PDXDC1: variants seen among roughly 807,000 people sequenced by gnomAD.
The protein encoded by PDXDC1 is pyridoxal dependent decarboxylase domain containing 1.
PDXDC1 carries 42 observed loss-of-function variants against 100.1 expected under a neutral mutation model. The ratio of observed to expected loss-of-function variants is 0.42; its 90% confidence interval spans 0.33 to 0.54. PDXDC1 has a LOEUF of 0.54. Among genes scored for constraint, PDXDC1 ranks in the 20% least tolerant of loss-of-function variants. The pLI is 0.10. For missense variants in PDXDC1, 636 were observed against 979.2 expected (o/e 0.65, Z 4.68); for synonymous variants, 260 against 371.7 (o/e 0.70, Z 3.46).
rs2045192232 is a variant in PDXDC1 at position 15,070,832 on chromosome 16, A to G, written c.1399+40776A>G. ...AAATGAAAAAATGACAAACCTACAA[A>G]AAGAATCAAAACAGTATACAACACT... On this transcript the variant is annotated intron_variant, in intron 16 of 16. Transcript: ENST00000535621. Among the ~76,000 whole-genome samples, 2 of 152,144 alleles carry G rather than the reference A, an allele frequency of 1.3e-5. 1 individual carries two copies. The highest frequency in any genetic ancestry group is 1.3e-4 in the Admixed American group (2 of 15,266).
chr16:14,991,298 T>TGC (rs1211694120), intron 1 of PDXDC1, among the ~76,000 whole-genome samples: 1 of 146,306 alleles, frequency 6.8e-6, no homozygotes, highest in East Asian at 2.1e-4. Context: ...TGTGTGTGTG[T>TGC]GTGTGTGTAT....
intron 22 of PDXDC1, 29 bp from the exon 23 acceptor site, chr16:15,035,987 T>C: frequency 6.3e-7 from 1 of 1,587,748 alleles, no homozygotes; most frequent in Non-Finnish European, 8.6e-7. Flanking sequence ...TCACTGAGTT[T>C]CAGCGCAGTC....
intron 16 of PDXDC1, among the ~76,000 whole-genome samples, chr16:15,049,832 A>C (rs956843063): frequency 6.6e-5 from 10 of 152,256 alleles, no homozygotes; most frequent in Non-Finnish European, 1.3e-4. Flanking sequence ...ATGAGAAATG[A>C]AAACTATGGG....
chr16:15,038,580 T>C (rs1411081493), downstream of PDXDC1: 1 of 1,542,802 alleles, frequency 6.5e-7, no homozygotes, highest in East Asian at 2.2e-5. Flanking sequence ...TCACCTCTAG[T>C]ATTTGCTTGT....
chr16:15,142,553 C>T (rs2048491384), downstream of PDXDC1, among the ~76,000 whole-genome samples: 4 of 152,034 alleles, frequency 2.6e-5, 1 homozygote, highest in South Asian at 8.3e-4. Context: ...ACTCAGGTGC[C>T]CCCTGGGTGT....
chr16:15,069,162 A>G (rs1291916725), intron 16 of PDXDC1, among the ~76,000 whole-genome samples: 1 of 152,124 alleles, frequency 6.6e-6, no homozygotes. Context: ...ACCCAAGGAG[A>G]CTGCGACCCC....
intron 16 of PDXDC1, among the ~76,000 whole-genome samples, chr16:15,063,517 G>C (rs540993642): frequency 6.6e-6 from 1 of 152,038 alleles, no homozygotes; most frequent in African/African-American, 2.4e-5. Flanking sequence ...GACCATCCTG[G>C]CTAACACGGT....
At chr16:15,050,914 G>A (rs766115862) in intron 16 of PDXDC1, among the ~76,000 whole-genome samples, 5 of 152,224 alleles carry the variant, frequency 3.3e-5, no homozygotes, top group Non-Finnish European at 7.3e-5. Flanking sequence ...GAACTGCAGT[G>A]TAAAATTAGA....
intron 20 of PDXDC1, 31 bp downstream of exon 20, chr16:15,034,409 G>T (rs774483864): frequency 6.2e-7 from 1 of 1,613,246 alleles, no homozygotes; most frequent in Non-Finnish European, 8.5e-7. Flanking sequence ...CAGGCTGGGG[G>T]AGCCGCCGTG....
intron 16 of PDXDC1, among the ~76,000 whole-genome samples, chr16:15,105,192 C>T (rs2046752733): frequency 7.8e-6 from 1 of 127,760 alleles, no homozygotes; most frequent in Non-Finnish European, 1.7e-5. Flanking sequence ...AGCCCATTGT[C>T]CACACATGTT....
the PDXDC1 span, among the ~76,000 whole-genome samples, chr16:15,147,277 C>CTG: frequency 8.5e-5 from 13 of 152,204 alleles, 1 homozygote; most frequent in Admixed American, 4.6e-4. Context: ...CCACTGCCAC[C>CTG]TCTGTCTGTC....
chr16:15,083,039 A>G (rs1424075889), intron 16 of PDXDC1, among the ~76,000 whole-genome samples: 6 of 152,234 alleles, frequency 3.9e-5, no homozygotes, highest in African/African-American at 9.6e-5. Flanking sequence ...TAGCCGCTTT[A>G]TAAGAAAGGA....
intron 4 of PDXDC1, among the ~76,000 whole-genome samples, chr16:15,002,684 C>T (rs1468248939): frequency 1.3e-5 from 2 of 152,258 alleles, no homozygotes; most frequent in African/African-American, 2.4e-5. Context: ...GTTGCTGTCT[C>T]AGACAGTGTG....
At chr16:15,097,330 T>A (rs1385551311) in intron 16 of PDXDC1, among the ~76,000 whole-genome samples, 3 of 150,464 alleles carry the variant, frequency 2.0e-5, no homozygotes, top group African/African-American at 7.3e-5. Context: ...ATGTAAGTTA[T>A]AAGAACATAA....
the PDXDC1 span, among the ~76,000 whole-genome samples, chr16:15,145,882 C>T: frequency 1.3e-5 from 2 of 152,210 alleles, no homozygotes; most frequent in Non-Finnish European, 2.9e-5. Context: ...GGGTGCTTGG[C>T]GGGCTGGGCT....
At chr16:15,068,137 T>C (rs2045057886) in intron 16 of PDXDC1, 1 of 1,484,478 alleles carries the variant, frequency 6.7e-7, no homozygotes, top group African/African-American at 1.4e-5. Flanking sequence ...ATATTTTAAA[T>C]AACTCCCATC....
intron 16 of PDXDC1, among the ~76,000 whole-genome samples, chr16:15,109,469 C>T (rs1429355551): frequency 6.8e-6 from 1 of 147,438 alleles, no homozygotes; most frequent in Non-Finnish European, 1.5e-5. Flanking sequence ...CCAGCTTGGC[C>T]AATATGGTGA....
intron 16 of PDXDC1, among the ~76,000 whole-genome samples, chr16:15,049,393 A>T (rs2044209828): frequency 6.6e-6 from 1 of 151,996 alleles, no homozygotes; most frequent in South Asian, 2.1e-4. Flanking sequence ...CTAAGGAAAT[A>T]ACTCAAAATA....
downstream of PDXDC1, among the ~76,000 whole-genome samples, chr16:15,140,055 C>G (rs1422994026): frequency 1.5e-5 from 2 of 129,586 alleles, no homozygotes; most frequent in South Asian, 2.4e-4. Context: ...CAAGATCACG[C>G]CACTGCAATC....
Sources: gnomAD v4.1 joint callset for allele counts (sites outside exome capture counted in the v4.1 genomes callset) on GRCh38, gnomAD v4.1.1 for gene constraint, MANE v1.5 for transcripts, NCBI Gene and HGNC (gene_info 2026-07-23, HGNC 2026-07-21) for gene names.